The following ZNF48 variants were observed in gnomAD, a reference collection of about 807,000 sequenced individuals.
ZNF48 encodes the protein zinc finger protein 553.
A neutral mutation model predicts 40.0 loss-of-function variants in ZNF48; 20 were observed. That is an observed-to-expected ratio of 0.50 (90% confidence interval 0.35 to 0.73). ZNF48 has a LOEUF of 0.73. ZNF48 is among the 30% of genes least tolerant of loss of function. The pLI, the probability that ZNF48 is intolerant of heterozygous loss-of-function variation, is 0.01. For missense variants in ZNF48, 726 were observed against 851.9 expected, an observed-to-expected ratio of 0.85 and a Z score of 1.84; for synonymous variants, 298 against 329.7, an observed-to-expected ratio of 0.90 and a Z score of 1.04.
Position 30,381,995 on chromosome 16 carries a change from A to G in ZNF48, c.-16+3585A>G. 5 of 1,600,534 alleles carry G rather than the reference A, an allele frequency of 3.1e-6. No individual in the cohort carries two copies. Among genetic ancestry groups the G allele is most frequent in the African/African-American group, 1.3e-5 (1 of 74,490 alleles). ...ATTTCCCAGGGGAGGAAAGTCTCAG[A>G]AAAAAAGCAGTCAACTACCTGAGTC... On this transcript the variant is annotated intron_variant, in intron 1 of 2. Coordinates refer to the ZNF48 transcript ENST00000528032. This position sits in a 1 kb window ranked among gnomAD's most constrained non-coding sequence, Gnocchi z 4.3.
At chr16:30,386,471 G>A (rs1041622157) in intron 1 of ZNF48, among the ~76,000 whole-genome samples, 8 of 151,868 alleles carry the variant, frequency 5.3e-5, no homozygotes, top group African/African-American at 1.9e-4. Context: ...TCAGGAATTC[G>A]AGACCAGCCT....
In ZNF48 at chr16:30,379,640, CTTTTTTTTT is replaced by C. The variant is rs71149011; in HGVS notation, c.-16+1248_-16+1256del. 2,037 of 239,278 alleles carry C rather than the reference CTTTTTTTTT, an allele frequency of 8.5e-3. 2 individuals are homozygous for C. Among genetic ancestry groups the C allele is most frequent in the African/African-American group, 0.024 (645 of 26,912 alleles). 14.8% of individuals were successfully genotyped at this position (239,278 alleles called of 1,614,324 possible). ...CCTCCTCTGCTTCCTGCCCCTTCCT[CTTTTTTTTT>C]TTTTTTTTTTTTTTTTTGAGACAGG... On this transcript the variant is annotated intron_variant, in intron 1 of 2. Coordinates refer to the ZNF48 transcript ENST00000528032.
Position 30,381,701 on chromosome 16 carries a change from C to G in ZNF48, c.-16+3291C>G. 8 of 1,600,954 alleles carry G rather than the reference C, an allele frequency of 5.0e-6. No homozygotes were observed. Among genetic ancestry groups the G allele is most frequent in the Middle Eastern group, 1.7e-4 (1 of 6,004 alleles). On this transcript the variant is annotated intron_variant, in intron 1 of 2. Coordinates refer to the ZNF48 transcript ENST00000528032. This position sits in a 1 kb window ranked among gnomAD's most constrained non-coding sequence, Gnocchi z 4.3. ...GAGCCAGCACAAACCAGTCCTGTAA[C>G]TCTCCAGGGAGTCGCCACTGTGAAA... is the stretch of plus-strand genomic sequence containing the variant.
chr16:30,389,832 T>TTTTTG (rs1396396061), intron 1 of ZNF48, among the ~76,000 whole-genome samples: 1 of 110,384 alleles, frequency 9.1e-6, no homozygotes. Flanking sequence ...TTTTTTTTTT[T>TTTTTG]TTTTTTTTTT....
At position 30,395,895 on chromosome 16, in the gene ZNF48, C is replaced by T. The variant is rs2049980435; in HGVS notation, c.79+22C>T. The T allele has an allele frequency of 6.6e-7, 1 of 1,510,700 alleles. No individual in the cohort carries two copies. Among genetic ancestry groups the T allele is most frequent in the Non-Finnish European group, 8.8e-7 (1 of 1,130,512 alleles). The allele number at this position is 1,510,700 out of a possible 1,614,324, so 93.6% of individuals were successfully genotyped here. A position where few individuals can be genotyped will look rare whatever the true frequency, so the allele number is the denominator to read the frequency against. ...ACAGGTGAGGGCCTCGGCCGTGCGC[C>T]GCCACGGACAGGTAACGGCCGGTGG... is the stretch of plus-strand genomic sequence containing the variant. On this transcript the variant is annotated intron_variant, in intron 2 of 2. Transcript: ENST00000613509. This position sits in a 1 kb window ranked among gnomAD's most constrained non-coding sequence, Gnocchi z 5.9.
Position 30,382,226 on chromosome 16 carries a change from G to T in ZNF48, c.-16+3816G>T, listed in dbSNP as rs1410049706. On this transcript the variant is annotated intron_variant, in intron 1 of 2. Coordinates refer to the ZNF48 transcript ENST00000528032. The surrounding 1 kb of genome is among the most constrained non-coding windows in gnomAD (Gnocchi z 4.8). ...CTGGTCAGGGGAGGGGACAGCCAGG[G>T]CCTCCTAAGGACATCCCCTCCGCAG... is the stretch of plus-strand genomic sequence containing the variant. The T allele has an allele frequency of 6.2e-7, 1 of 1,612,626 alleles. No individual in the cohort carries two copies. The highest frequency in any genetic ancestry group is 8.5e-7 in the Non-Finnish European group (1 of 1,178,714).
upstream of ZNF48, among the ~76,000 whole-genome samples, chr16:30,391,469 T>G (rs906349011): frequency 4.0e-5 from 6 of 151,872 alleles, no homozygotes; most frequent in African/African-American, 1.5e-4. Context: ...ATTACAGGCG[T>G]GAGCCACTGC....
exon 1 of ZNF48, chr16:30,378,316 C>T: frequency 4.0e-6 from 4 of 1,004,506 alleles, no homozygotes; most frequent in Non-Finnish European, 5.7e-6. Flanking sequence ...CTCCCCCTAG[C>T]CCGCGCGAGG....
chr16:30,378,548 ACCTGGCG>A, intron 1 of ZNF48: 1 of 1,601,472 alleles, frequency 6.2e-7, no homozygotes, highest in Non-Finnish European at 8.5e-7. Flanking sequence ...GCAGGCGGTG[ACCTGGCG>A]AAGCCAGAGG....
In ZNF48 at chr16:30,381,310, C is replaced by T. The variant is rs769784205; in HGVS notation, c.-16+2900C>T. 8.7e-6 allele frequency: 14 copies of T among 1,607,126 alleles called. No individual in the cohort carries two copies. The highest frequency in any genetic ancestry group is 6.7e-5 in the East Asian group (3 of 44,814). On this transcript the variant is annotated intron_variant, in intron 1 of 2. Coordinates refer to the ZNF48 transcript ENST00000528032. This position sits in a 1 kb window ranked among gnomAD's most constrained non-coding sequence, Gnocchi z 4.3. ...GAGACCCCCCAGCCCTCCCTAAATG[C>T]GCCAGCCCCCAGGATCCCCCCACCA... is the stretch of plus-strand genomic sequence containing the variant.
chr16:30,399,217 G>A lies in ZNF48; in HGVS notation c.*110G>A, dbSNP rs1567436408. 1 of 1,064,468 alleles carries A rather than the reference G, an allele frequency of 9.4e-7. No homozygotes were observed. The highest frequency in any genetic ancestry group is 2.5e-5 in the East Asian group (1 of 39,438). The allele number at this position is 1,064,468 out of a possible 1,614,324, so 65.9% of individuals were successfully genotyped here. A position where few individuals can be genotyped will look rare whatever the true frequency, so the allele number is the denominator to read the frequency against. On this transcript the variant is annotated 3_prime_UTR_variant, in exon 3 of 3. Coordinates refer to ENST00000613509, the MANE Select transcript of ZNF48 (RefSeq NM_001214909.2). The stretch of plus-strand genomic sequence containing the variant: ...GGGAGGGAGAAGGAAGGGAAGAAAG[G>A]GGAGGAAGAATAGATAGAAATAGGG...
At chr16:30,379,928 A>T (rs747345146) in intron 1 of ZNF48, 1 of 1,484,660 alleles carries the variant, frequency 6.7e-7, no homozygotes, top group South Asian at 1.1e-5. Flanking sequence ...TTTGTTTCCC[A>T]CACCTTCATC....
chr16:30,379,666 T>TTTTTTTA (rs2049814819), intron 1 of ZNF48: 2 of 616,024 alleles, frequency 3.2e-6, no homozygotes, highest in African/African-American at 2.3e-5. Flanking sequence ...TTTTTTTTTT[T>TTTTTTTA]GAGACAGGGT....
At position 30,382,238 on chromosome 16, in the gene ZNF48, C is replaced by T. The variant is rs761824880; in HGVS notation, c.-16+3828C>T. 3.1e-6 allele frequency: 5 copies of T among 1,612,506 alleles called. No homozygotes were observed. In the African/African-American group the frequency reaches 5.3e-5, roughly 17 times the overall value. The stretch of plus-strand genomic sequence containing the variant: ...GGGGACAGCCAGGGCCTCCTAAGGA[C>T]ATCCCCTCCGCAGTTCCCTCTCCAA... On this transcript the variant is annotated intron_variant, in intron 1 of 2. Coordinates refer to the ZNF48 transcript ENST00000528032. The surrounding 1 kb of genome is among the most constrained non-coding windows in gnomAD (Gnocchi z 4.8).
At chr16:30,389,323 G>A (rs866077953) in intron 1 of ZNF48, among the ~76,000 whole-genome samples, 1 of 150,904 alleles carries the variant, frequency 6.6e-6, no homozygotes, top group Admixed American at 6.6e-5. Context: ...CCCGGGAGGT[G>A]TAGCTTGCAG....
chr16:30,378,778 G>C, intron 1 of ZNF48: 1 of 1,384,118 alleles, frequency 7.2e-7, no homozygotes, highest in Non-Finnish European at 9.9e-7. Flanking sequence ...GCAGGGCCTG[G>C]GGCGAGGTTG....
chr16:30,381,597 T>A lies in ZNF48; in HGVS notation c.-16+3187T>A. 6.8e-7 allele frequency: 1 copy of A among 1,464,076 alleles called. No homozygotes were observed. Among genetic ancestry groups the A allele is most frequent in the Non-Finnish European group, 9.4e-7 (1 of 1,065,754 alleles). 90.7% of individuals were successfully genotyped at this position (1,464,076 alleles called of 1,614,324 possible). A position where few individuals can be genotyped will look rare whatever the true frequency, so the allele number is the denominator to read the frequency against. On this transcript the variant is annotated intron_variant, in intron 1 of 2. Coordinates refer to the ZNF48 transcript ENST00000528032. The surrounding 1 kb of genome is among the most constrained non-coding windows in gnomAD (Gnocchi z 4.3). Reference sequence around the variant, plus strand: ...TCCCTCCAAAGACATTAAGGGGAACTGGTGGGGGCCTAGGTGAGTCATCAA... The same window carrying A: ...TCCCTCCAAAGACATTAAGGGGAACAGGTGGGGGCCTAGGTGAGTCATCAA...
intron 1 of ZNF48, chr16:30,379,799 G>T: frequency 1.6e-6 from 1 of 639,426 alleles, no homozygotes; most frequent in Non-Finnish European, 2.8e-6. Flanking sequence ...TAGAGGTGGG[G>T]TCTCGCCATG....
chr16:30,395,660 G>A lies in ZNF48; in HGVS notation c.-16+82G>A. On this transcript the variant is annotated intron_variant, in intron 1 of 2. Coordinates refer to ENST00000613509, the MANE Select transcript of ZNF48 (RefSeq NM_001214909.2). This position sits in a 1 kb window ranked among gnomAD's most constrained non-coding sequence, Gnocchi z 5.9. ...GCGGGCAGGGGGCACCGGGAGCCGC[G>A]CCCGTACCTGGGACCCGACGCCGCC... 1.3e-6 allele frequency: 1 copy of A among 769,646 alleles called. No homozygotes were observed. The highest frequency in any genetic ancestry group is 1.7e-6 in the Non-Finnish European group (1 of 586,754). The allele number at this position is 769,646 out of a possible 1,614,324, so 47.7% of individuals were successfully genotyped here.
Sources: gnomAD v4.1 joint callset for allele counts (sites outside exome capture counted in the v4.1 genomes callset) on GRCh38, gnomAD v4.1.1 for gene constraint, Gnocchi (gnomAD v3.1) non-coding constraint, MANE v1.5 for transcripts, NCBI Gene and HGNC (gene_info 2026-07-23, HGNC 2026-07-21) for gene names.